Variants in MAN1C1 observed in about 807,000 individuals in gnomAD.
MAN1C1 encodes mannosidase alpha class 1C member 1.
A neutral mutation model predicts 71.5 loss-of-function variants in MAN1C1; 49 were observed. The ratio of observed to expected loss-of-function variants is 0.69; its 90% confidence interval spans 0.54 to 0.87. The LOEUF (loss-of-function observed/expected upper bound fraction) is 0.87, where lower values mean the gene tolerates loss of function less well. MAN1C1 is among the 40% of genes least tolerant of loss of function. The pLI is 0.00. For synonymous variants in MAN1C1, 352 were observed against 343.7 expected (o/e 1.02, Z -0.27); for missense variants, 743 against 835.0 (o/e 0.89, Z 1.36).
At chr1:25,622,544 C>G (rs528400990) in intron 1 of MAN1C1, among the ~76,000 whole-genome samples, 7 of 152,338 alleles carry the variant, frequency 4.6e-5, no homozygotes, top group African/African-American at 1.4e-4. Context: ...ACAGTAAGAG[C>G]TGTAGTCAGG....
chr1:25,720,558 C>T (rs796090422), intron 2 of MAN1C1, among the ~76,000 whole-genome samples: 57 of 152,246 alleles, frequency 3.7e-4, no homozygotes, highest in African/African-American at 1.3e-3. Context: ...AGAAGTTCTC[C>T]GTTTGTTCTG....
chr1:25,777,822 T>C (rs1335946635), intron 8 of MAN1C1, among the ~76,000 whole-genome samples: 1 of 152,088 alleles, frequency 6.6e-6, no homozygotes, highest in Non-Finnish European at 1.5e-5. Context: ...CCTTAAAATA[T>C]TTTTTAACGT....
chr1:25,762,634 C>T (rs2047376476), intron 6 of MAN1C1, among the ~76,000 whole-genome samples: 1 of 151,808 alleles, frequency 6.6e-6, no homozygotes, highest in Non-Finnish European at 1.5e-5. Flanking sequence ...CACCATGTTG[C>T]CACGGCTGGT....
intron 2 of MAN1C1, among the ~76,000 whole-genome samples, chr1:25,696,201 G>T (rs1000969965): frequency 6.6e-6 from 1 of 152,130 alleles, no homozygotes; most frequent in Non-Finnish European, 1.5e-5. Context: ...TCTTCTCACC[G>T]CATTGATGGC....
intron 2 of MAN1C1, among the ~76,000 whole-genome samples, chr1:25,705,000 T>C (rs1221689446): frequency 1.3e-5 from 2 of 152,258 alleles, no homozygotes; most frequent in Non-Finnish European, 1.5e-5. Context: ...TTCATGCCTC[T>C]TCTCAGTTGG....
chr1:25,731,630 G>C (rs908889866), intron 2 of MAN1C1, among the ~76,000 whole-genome samples: 1 of 152,184 alleles, frequency 6.6e-6, no homozygotes, highest in Admixed American at 6.5e-5. Context: ...ATCTGTCTCA[G>C]GCTCCTTCCT....
At chr1:25,781,389 G>T in intron 10 of MAN1C1, 1 of 359,072 alleles carries the variant, frequency 2.8e-6, no homozygotes, top group Non-Finnish European at 5.1e-6. Context: ...AACTTAGAGG[G>T]TCAGAGGCTA....
At chr1:25,760,169 C>T (rs1483450158) in intron 6 of MAN1C1, 1 of 152,286 alleles carries the variant, frequency 6.6e-6, no homozygotes, top group African/African-American at 2.4e-5. Context: ...CCTGCCTGAG[C>T]ACCCGCTATG....
chr1:25,705,271 A>T (rs536725033), intron 2 of MAN1C1, among the ~76,000 whole-genome samples: 1 of 152,376 alleles, frequency 6.6e-6, no homozygotes, highest in Non-Finnish European at 1.5e-5. Context: ...AAAAAAAGGA[A>T]GAAAGGAAAG....
rs2045384735 is a variant in MAN1C1, at chr1:25,631,831, C to T, written c.540+13494C>T. ...AGTTTCAGTAGCTGGAGTGTAGTGG[C>T]GCGATCTCAGCTCACTGCAACCTCT... On this transcript the variant is annotated intron_variant, in intron 1 of 11. Coordinates refer to ENST00000374332, the MANE Select transcript of MAN1C1 (RefSeq NM_020379.4). The surrounding 1 kb of genome is among the most constrained non-coding windows in gnomAD (Gnocchi z 4.2). Among the ~76,000 whole-genome samples, 1 of 152,142 alleles carries T rather than the reference C, an allele frequency of 6.6e-6. No homozygotes were observed. Among genetic ancestry groups the T allele is most frequent in the Non-Finnish European group, 1.5e-5 (1 of 68,014 alleles).
intron 1 of MAN1C1, among the ~76,000 whole-genome samples, chr1:25,677,039 GTC>G (rs2046079160): frequency 6.6e-6 from 1 of 152,130 alleles, no homozygotes; most frequent in Non-Finnish European, 1.5e-5. Flanking sequence ...ATCGATTCTA[GTC>G]TCTTTTCTGC....
chr1:25,646,585 T>A (rs1367133835), intron 1 of MAN1C1, among the ~76,000 whole-genome samples: 1 of 152,158 alleles, frequency 6.6e-6, no homozygotes, highest in Non-Finnish European at 1.5e-5. Context: ...ACCATACCCA[T>A]TAGGCAGTCA....
rs2046896632 is a variant in MAN1C1 at position 25,730,666 on chromosome 1, CAG to C, written c.638-15999_638-15998del. Among the ~76,000 whole-genome samples, 1 of 152,228 alleles carries C rather than the reference CAG, an allele frequency of 6.6e-6. No homozygotes were observed. Among genetic ancestry groups the C allele is most frequent in the African/African-American group, 2.4e-5 (1 of 41,452 alleles). On this transcript the variant is annotated intron_variant, in intron 2 of 11. Coordinates refer to ENST00000374332, the MANE Select transcript of MAN1C1 (RefSeq NM_020379.4). The surrounding 1 kb of genome is among the most constrained non-coding windows in gnomAD (Gnocchi z 4.3). ...ATTGTTTGGGCACTGAGGTCTGAAA[CAG>C]AGGCAGTTCTTGCCCCAGAAGCATG...
At chr1:25,692,996 G>A (rs997459045) in intron 2 of MAN1C1, among the ~76,000 whole-genome samples, 2 of 152,188 alleles carry the variant, frequency 1.3e-5, no homozygotes, top group African/African-American at 4.8e-5. Context: ...ACAGGGGTAA[G>A]AGGCACCAAC....
At chr1:25,670,427 C>T (rs1422119144) in intron 1 of MAN1C1, among the ~76,000 whole-genome samples, 1 of 152,300 alleles carries the variant, frequency 6.6e-6, no homozygotes, top group Non-Finnish European at 1.5e-5. Flanking sequence ...TTCATGTTTC[C>T]AAAGGCTCCA....
Position 25,758,467 on chromosome 1 carries a change from G to A in MAN1C1, c.930-125G>A, listed in dbSNP as rs865899847. The A allele has an allele frequency of 1.7e-5, 13 of 765,674 alleles. No homozygotes were observed. The Admixed American group carries it at 2.6e-4, about 15-fold the overall frequency. 47.4% of individuals were successfully genotyped at this position (765,674 alleles called of 1,614,324 possible). A position where few individuals can be genotyped will look rare whatever the true frequency, so the allele number is the denominator to read the frequency against. Reference sequence around the variant, plus strand: ...AGGGAGGATTCACTGAAATTGTACGGCGAAAGCTCCTGGTTCCATGCCTGT... The same window carrying A: ...AGGGAGGATTCACTGAAATTGTACGACGAAAGCTCCTGGTTCCATGCCTGT... On this transcript the variant is annotated intron_variant, in intron 5 of 11. Coordinates refer to ENST00000374332, the MANE Select transcript of MAN1C1 (RefSeq NM_020379.4).
intron 3 of MAN1C1, among the ~76,000 whole-genome samples, chr1:25,748,516 G>C (rs959935020): frequency 6.6e-6 from 1 of 152,174 alleles, no homozygotes; most frequent in African/African-American, 2.4e-5. Context: ...CACGGGAGGG[G>C]TTGGCAGCCC....
intron 2 of MAN1C1, among the ~76,000 whole-genome samples, chr1:25,737,553 G>A (rs1194853094): frequency 2.6e-5 from 4 of 152,158 alleles, no homozygotes; most frequent in African/African-American, 9.7e-5. Context: ...ACAACCACTC[G>A]TTTCTGCCTT....
rs1440688083 is a variant in MAN1C1 at position 25,772,608 on chromosome 1, A to G, written c.1257+836A>G. Among the ~76,000 whole-genome samples, 4 of 152,288 alleles carry G rather than the reference A, an allele frequency of 2.6e-5. No individual in the cohort carries two copies. In the East Asian group the frequency reaches 7.7e-4, roughly 29 times the overall value. On this transcript the variant is annotated intron_variant, in intron 8 of 11. Transcript: ENST00000374332. ...CTACTCTGCCACCACCTTGGTCTAC[A>G]CTACCTCCTTATTTTCTCTAAACTG...
Sources: allele counts gnomAD v4.1 joint callset (sites outside exome capture counted in the v4.1 genomes callset), GRCh38; gene constraint gnomAD v4.1.1; non-coding constraint Gnocchi (gnomAD v3.1); transcripts MANE v1.5; gene names NCBI Gene and HGNC (gene_info 2026-07-23, HGNC 2026-07-21).